The following MFN1 variants were observed in gnomAD, a reference collection of about 807,000 sequenced individuals.
MFN1 encodes the protein mitofusin-1.
A neutral mutation model predicts 92.4 loss-of-function variants in MFN1; 65 were observed. The observed-to-expected ratio is 0.70, with a 90% CI of 0.58 to 0.86. The LOEUF (loss-of-function observed/expected upper bound fraction) is 0.86, where lower values mean the gene tolerates loss of function less well. Ranked by LOEUF, MFN1 falls within the 40% of genes least tolerant of loss-of-function variation. The pLI, the probability that MFN1 is intolerant of heterozygous loss-of-function variation, is 0.00. For missense variants in MFN1, 781 were observed against 868.0 expected (o/e 0.90, Z 1.26); for synonymous variants, 297 against 300.9 (o/e 0.99, Z 0.13).
chr3:179,368,063 C>T lies in MFN1; in HGVS notation c.935C>T (p.Ala312Val). ...GTGGCACTTGCTGAAGGATTTCATG[C>T]AAGATTACAGGAATTTCAGAATTTT... ...SGVALAEGFH[A>V]RLQEFQNFEQ... The change falls in exon 9 of 18, where the codon GCA (alanine) becomes GTA (valine). Residue 312 changes from alanine to valine, a missense_variant. Ala to Val is a moderately conservative substitution (Grantham distance 64, BLOSUM62 0). Transcript: ENST00000471841. 1 of 1,571,842 alleles carries T rather than the reference C, an allele frequency of 6.4e-7. No individual in the cohort carries two copies. Among genetic ancestry groups the T allele is most frequent in the South Asian group, 1.2e-5 (1 of 85,524 alleles).
chr3:179,363,257 G>C lies in MFN1; in HGVS notation c.536+775G>C, dbSNP rs73043480. ...TAGCCACCACGCCTGGCTAATCTTT[G>C]TATTTTTTGGTAGAGACGGGGATTC... On this transcript the variant is annotated intron_variant, in intron 5 of 17. Coordinates refer to ENST00000471841, the MANE Select transcript of MFN1 (RefSeq NM_033540.3). Among the ~76,000 whole-genome samples the C allele has an allele frequency of 9.5e-3, 1,442 of 152,150 alleles. 17 individuals are homozygous for C. The highest frequency in any genetic ancestry group is 0.033 in the African/African-American group (1,364 of 41,478).
intron 4 of MFN1, 126 bp from the exon 5 acceptor site, chr3:179,362,232 G>A (rs1414719110): frequency 1.0e-6 from 1 of 963,574 alleles, no homozygotes; most frequent in Non-Finnish European, 1.4e-6. Context: ...TTGCTCAGAA[G>A]GTTTTATTTC....
chr3:179,376,924 GTT>G, intron 10 of MFN1, 116 bp from the exon 11 acceptor site: 2 of 848,946 alleles, frequency 2.4e-6, no homozygotes, highest in Non-Finnish European at 3.4e-6. Flanking sequence ...GATGTTACAA[GTT>G]TTTTTTTTCC....
In MFN1 at chr3:179,365,237, T is replaced by C; in HGVS notation, c.753+12T>C. On this transcript the variant is annotated intron_variant, in intron 7 of 17. Coordinates refer to ENST00000471841, the MANE Select transcript of MFN1 (RefSeq NM_033540.3). ...AATATATGGAAGACGTAAGTTGTTA[T>C]TTTTTTTTTTGTAGGTTTTGAAATA... 1.3e-6 allele frequency: 1 copy of C among 777,850 alleles called. No individual in the cohort carries two copies. Among genetic ancestry groups the C allele is most frequent in the Non-Finnish European group, 1.8e-6 (1 of 557,010 alleles). 48.2% of individuals were successfully genotyped at this position (777,850 alleles called of 1,614,324 possible).
rs753742305 is a variant in MFN1 at position 179,378,191 on chromosome 3, C to G, written c.1330-150C>G. The G allele has an allele frequency of 1.7e-5, 11 of 639,776 alleles. No individual in the cohort carries two copies. In the South Asian group the frequency reaches 2.1e-4, roughly 12 times the overall value. 39.6% of individuals were successfully genotyped at this position (639,776 alleles called of 1,614,324 possible). ...GTGAGTCAAGATCAAAGCACTCCAG[C>G]CTAGGCAACAAAGCAAGACCCTGTC... On this transcript the variant is annotated intron_variant, in intron 12 of 17. Transcript: ENST00000471841.
intron 9 of MFN1, among the ~76,000 whole-genome samples, chr3:179,372,261 T>G (rs1713054165): frequency 6.6e-6 from 1 of 151,280 alleles, no homozygotes; most frequent in Non-Finnish European, 1.5e-5. Flanking sequence ...TGAAAGTATA[T>G]CAAAATAAGT....
At position 179,358,906 on chromosome 3, in the gene MFN1, T is replaced by C. The variant is rs1404899024; in HGVS notation, c.315T>C (p.Ile105=). ...MLWDKVLPSG[I]GHITNCFLSV... ...GGGATAAAGTTCTCCCTAGTGGGAT[T>C]GGCCATATAACCAATTGCTTCCTAA... The change falls in exon 4 of 18, where the codon ATT becomes ATC. Residue 105 remains isoleucine (I), a synonymous_variant. Coordinates refer to ENST00000471841, the MANE Select transcript of MFN1 (RefSeq NM_033540.3). 1.2e-6 allele frequency: 2 copies of C among 1,614,000 alleles called. No individual in the cohort carries two copies. The highest frequency in any genetic ancestry group is 1.7e-6 in the Non-Finnish European group (2 of 1,180,002).
chr3:179,353,187 G>A (rs1712220125), intron 3 of MFN1, among the ~76,000 whole-genome samples: 1 of 151,332 alleles, frequency 6.6e-6, no homozygotes, highest in South Asian at 2.1e-4. Flanking sequence ...CCTAGTAGCT[G>A]GGACTACAGG....
intron 6 of MFN1, 107 bp downstream of exon 6, chr3:179,364,512 T>G: frequency 1.2e-6 from 1 of 831,934 alleles, no homozygotes. Flanking sequence ...AAAAAACTTC[T>G]AAAAACAGGC....
At chr3:179,375,828 A>G (rs6808409) in intron 10 of MFN1, among the ~76,000 whole-genome samples, 17,108 of 152,224 alleles carry the variant, frequency 0.11, 3,163 homozygotes, top group African/African-American at 0.39. Context: ...TTTGGTAAGC[A>G]GTACCCTTTA....
intron 12 of MFN1, among the ~76,000 whole-genome samples, chr3:179,378,051 AC>A (rs1457637520): frequency 6.6e-6 from 1 of 151,742 alleles, no homozygotes; most frequent in Non-Finnish European, 1.5e-5. Context: ...CAAGAGCAAA[AC>A]TCTATCTCAA....
chr3:179,371,885 T>C (rs1359989751), intron 9 of MFN1, among the ~76,000 whole-genome samples: 1 of 151,848 alleles, frequency 6.6e-6, no homozygotes, highest in African/African-American at 2.4e-5. Flanking sequence ...AAGACAAGTA[T>C]TGATGTGTTA....
At chr3:179,352,071 A>G (rs778449490) in intron 3 of MFN1, 36 bp downstream of exon 3, 3 of 1,555,938 alleles carry the variant, frequency 1.9e-6, no homozygotes, top group Non-Finnish European at 2.6e-6. Flanking sequence ...ATTAGTTTCC[A>G]GGAATCAGCT....
At chr3:179,359,127 CTTT>C in intron 4 of MFN1, 125 bp downstream of exon 4, 1 of 975,942 alleles carries the variant, frequency 1.0e-6, no homozygotes, top group Non-Finnish European at 1.3e-6. Flanking sequence ...TAATATTTTT[CTTT>C]TTTTTTTTAG....
At chr3:179,377,504 C>G (rs1713288803) in intron 12 of MFN1, 56 bp downstream of exon 12, 1 of 1,061,564 alleles carries the variant, frequency 9.4e-7, no homozygotes, top group Non-Finnish European at 1.4e-6. Flanking sequence ...ATTCTATACC[C>G]TCATTTATTT....
intron 11 of MFN1, 71 bp downstream of exon 11, chr3:179,377,239 T>C: frequency 6.5e-7 from 1 of 1,541,666 alleles, no homozygotes; most frequent in Non-Finnish European, 8.8e-7. Context: ...AAAAATGTTA[T>C]TCCTGTTACT....
Position 179,368,118 on chromosome 3 carries a change from A to T in MFN1, c.975+15A>T, listed in dbSNP as rs1192007176. On this transcript the variant is annotated intron_variant, in intron 9 of 17. Coordinates refer to ENST00000471841, the MANE Select transcript of MFN1 (RefSeq NM_033540.3). ...AAATCTTTGAGGTAGGAATTTTGTGATTGTATTGCCTAATACAAAACTCTT... is the reference window on the plus strand; with the variant it reads ...AAATCTTTGAGGTAGGAATTTTGTGTTTGTATTGCCTAATACAAAACTCTT... 1 of 1,548,064 alleles carries T rather than the reference A, an allele frequency of 6.5e-7. No homozygotes were observed. The highest frequency in any genetic ancestry group is 8.8e-7 in the Non-Finnish European group (1 of 1,142,584).
At chr3:179,387,729 ATTTTT>A (rs74948664) in intron 16 of MFN1, among the ~76,000 whole-genome samples, 1 of 119,680 alleles carries the variant, frequency 8.4e-6, no homozygotes, top group Admixed American at 8.5e-5. Context: ...CACCCAGCTA[ATTTTT>A]TTTTTTTTTT....
chr3:179,372,931 TA>T (rs1300108879), intron 9 of MFN1, among the ~76,000 whole-genome samples: 6 of 152,214 alleles, frequency 3.9e-5, no homozygotes, highest in Non-Finnish European at 8.8e-5. Flanking sequence ...ATAAGTAGTT[TA>T]CAAATGTTCA....
Sources: gnomAD v4.1 joint callset for allele counts (sites outside exome capture counted in the v4.1 genomes callset) on GRCh38, gnomAD v4.1.1 for gene constraint, MANE v1.5 for transcripts, NCBI Gene and HGNC (gene_info 2026-07-23, HGNC 2026-07-21) for gene names.